PIBF1: variants seen among roughly 807,000 people sequenced by gnomAD.
PIBF1 encodes progesterone immunomodulatory binding factor 1.
Under a neutral mutation model 112.5 loss-of-function variants are expected in PIBF1, and 90 were observed. The observed-to-expected ratio is 0.80, with a 90% confidence interval of 0.67 to 0.95. PIBF1 has a LOEUF of 0.95. PIBF1 is among the 40% of genes least tolerant of loss of function. The pLI, the probability that PIBF1 is intolerant of heterozygous loss-of-function variation, is 0.00. For synonymous variants in PIBF1, 301 were observed against 288.6 expected, an observed-to-expected ratio of 1.04 and a Z score of -0.44; for missense variants, 915 against 852.3, an observed-to-expected ratio of 1.07 and a Z score of -0.92.
intron 10 of PIBF1, among the ~76,000 whole-genome samples, chr13:72,879,615 G>A (rs958005088): frequency 5.9e-5 from 9 of 152,182 alleles, no homozygotes; most frequent in Non-Finnish European, 1.3e-4. Context: ...AGAATTCCAA[G>A]CAGCAATAAG....
intron 2 of PIBF1, among the ~76,000 whole-genome samples, chr13:72,787,386 A>AT (rs1332784224): frequency 9.9e-5 from 15 of 152,198 alleles, no homozygotes; most frequent in African/African-American, 3.6e-4. Context: ...ACCCCACTGA[A>AT]TTTTGTCCCT....
intron 15 of PIBF1, among the ~76,000 whole-genome samples, chr13:72,972,663 CA>C (rs35656003): frequency 8.6e-4 from 116 of 135,130 alleles, no homozygotes; most frequent in Middle Eastern, 4.0e-3. Flanking sequence ...GACTCCGTCT[CA>C]AAAAAAAAAA....
At chr13:72,783,822 C>A in intron 2 of PIBF1, 101 bp downstream of exon 2, 1 of 1,091,888 alleles carries the variant, frequency 9.2e-7, no homozygotes, top group Non-Finnish European at 1.3e-6. Flanking sequence ...TGAAATGATA[C>A]ATTTATATTT....
intron 10 of PIBF1, among the ~76,000 whole-genome samples, chr13:72,885,609 G>A (rs897173239): frequency 6.6e-6 from 1 of 152,050 alleles, no homozygotes; most frequent in Non-Finnish European, 1.5e-5. Context: ...CTGCACTGAA[G>A]TAACTTGTAT....
chr13:72,783,684 T>C lies in PIBF1; in HGVS notation c.215T>C (p.Met72Thr), dbSNP rs759023141. ...LLKIELSQKTMMIDNLKVDYL... is the reference protein window; with the variant it reads ...LLKIELSQKTTMIDNLKVDYL... ...AAAATTGAGCTATCCCAGAAAACTA[T>C]GATGATCGACAATTTGAAAGTGGAT... is the stretch of plus-strand genomic sequence containing the variant. The change falls in exon 2 of 18, where the codon ATG becomes ACG. Residue 72 changes from methionine to threonine, a missense_variant. Coordinates refer to ENST00000326291, the MANE Select transcript of PIBF1 (RefSeq NM_006346.4). 1.2e-6 allele frequency: 2 copies of C among 1,613,980 alleles called. No homozygotes were observed. Among genetic ancestry groups the C allele is most frequent in the East Asian group, 2.2e-5 (1 of 44,846 alleles).
intron 16 of PIBF1, among the ~76,000 whole-genome samples, chr13:72,997,740 A>G (rs974902968): frequency 2.0e-5 from 3 of 152,342 alleles, no homozygotes; most frequent in East Asian, 1.9e-4. Context: ...TGAAGATACA[A>G]TAAGATAATA....
rs1345167411 is a variant in PIBF1, at chr13:72,987,858, A to ATTTATTTTTTTT, written c.2050-10961_2050-10960insATTTTTTTTTTT. ...TTGTAATTTATTTATTTATTTATTTATTTTTTTTTTTTTTTTTTTTTTTGA... is the reference window on the plus strand; with the variant it reads ...TTGTAATTTATTTATTTATTTATTTATTTATTTTTTTTTTTTTTTTTTTTTTTTTTTTTTTGA... On this transcript the variant is annotated intron_variant, in intron 16 of 17. Coordinates refer to ENST00000326291, the MANE Select transcript of PIBF1 (RefSeq NM_006346.4). 8.1e-4 allele frequency among the ~76,000 whole-genome samples: 47 copies of ATTTATTTTTTTT among 58,106 alleles called. 1 individual carries two copies. Among genetic ancestry groups the ATTTATTTTTTTT allele is most frequent in the African/African-American group, 4.0e-3 (43 of 10,682 alleles). The allele number at this position is 58,106 out of a possible 152,430, so 38.1% of individuals were successfully genotyped here.
intron 5 of PIBF1, among the ~76,000 whole-genome samples, chr13:72,811,269 A>T (rs2035996662): frequency 6.6e-6 from 1 of 152,172 alleles, no homozygotes; most frequent in South Asian, 2.1e-4. Flanking sequence ...ATTGAGATTT[A>T]AAAATAACTT....
intron 5 of PIBF1, among the ~76,000 whole-genome samples, chr13:72,814,593 A>C (rs904301426): frequency 6.6e-5 from 10 of 152,040 alleles, no homozygotes; most frequent in African/African-American, 2.4e-4. Flanking sequence ...CTTACTTGGC[A>C]ATTAGAAACG....
At chr13:72,863,176 T>C (rs2038769963) in intron 10 of PIBF1, among the ~76,000 whole-genome samples, 2 of 152,018 alleles carry the variant, frequency 1.3e-5, no homozygotes, top group African/African-American at 2.4e-5. Flanking sequence ...TCACAGGCTA[T>C]ATAACAAAGG....
At chr13:72,928,018 T>TAC (rs2041574204) in intron 13 of PIBF1, among the ~76,000 whole-genome samples, 2 of 61,088 alleles carry the variant, frequency 3.3e-5, no homozygotes, top group African/African-American at 1.4e-4. Flanking sequence ...TATATATACA[T>TAC]ATATATACAT....
At chr13:72,921,792 G>T (rs1176894484) in intron 13 of PIBF1, among the ~76,000 whole-genome samples, 2 of 152,080 alleles carry the variant, frequency 1.3e-5, no homozygotes, top group Non-Finnish European at 2.9e-5. Flanking sequence ...TTTAGTAAGT[G>T]CTAGGTCGTT....
intron 16 of PIBF1, among the ~76,000 whole-genome samples, chr13:72,994,940 T>A (rs2043600304): frequency 1.3e-5 from 2 of 152,166 alleles, no homozygotes; most frequent in Admixed American, 6.6e-5. Flanking sequence ...ATAGGACAAT[T>A]TATGTCAAAA....
chr13:72,831,974 G>A (rs562050166), intron 8 of PIBF1, among the ~76,000 whole-genome samples: 32 of 151,104 alleles, frequency 2.1e-4, no homozygotes, highest in East Asian at 9.8e-4. Context: ...TCTTCCTGCC[G>A]CATTGATCCC....
chr13:72,977,977 G>A (rs973739339), intron 16 of PIBF1, among the ~76,000 whole-genome samples: 4 of 152,126 alleles, frequency 2.6e-5, no homozygotes, highest in African/African-American at 4.8e-5. Context: ...GCTCAACTGG[G>A]TTGGGTAAAT....
intron 13 of PIBF1, among the ~76,000 whole-genome samples, chr13:72,922,517 A>G (rs879863638): frequency 6.6e-6 from 1 of 152,170 alleles, no homozygotes; most frequent in African/African-American, 2.4e-5. Context: ...TGGTCTTTGT[A>G]TATGCCTCTG....
At chr13:72,981,825 C>A (rs1340871403) in intron 16 of PIBF1, among the ~76,000 whole-genome samples, 2 of 152,140 alleles carry the variant, frequency 1.3e-5, no homozygotes, top group African/African-American at 4.8e-5. Context: ...ATATGTTCAA[C>A]TCTCTCATTA....
chr13:72,998,704 C>T (rs1186172544), intron 16 of PIBF1, 118 bp from the exon 17 acceptor site: 1 of 645,146 alleles, frequency 1.6e-6, no homozygotes, highest in Admixed American at 3.2e-5. Flanking sequence ...TTTATTTTCA[C>T]AACTTATGTG....
At chr13:73,011,456 A>G (rs2044200692) in intron 17 of PIBF1, among the ~76,000 whole-genome samples, 1 of 152,196 alleles carries the variant, frequency 6.6e-6, no homozygotes, top group South Asian at 2.1e-4. Flanking sequence ...ATTTTGAAAT[A>G]TGTTAGAGAA....
Sources: allele counts gnomAD v4.1 joint callset (sites outside exome capture counted in the v4.1 genomes callset), GRCh38; gene constraint gnomAD v4.1.1; transcripts MANE v1.5; gene names NCBI Gene and HGNC (gene_info 2026-07-23, HGNC 2026-07-21).